Variants in SMU1 observed in about 807,000 individuals in gnomAD.
SMU1 encodes the protein SMU1 DNA replication regulator and spliceosomal factor.
In SMU1, 2 loss-of-function variants were observed where a neutral mutation model predicts 62.0. That is an observed-to-expected ratio of 0.03 (90% CI 0.01 to 0.10). The LOEUF (loss-of-function observed/expected upper bound fraction) is 0.10. SMU1 is among the 10% of genes least tolerant of loss of function. SMU1 has a pLI of 1.00. For missense variants in SMU1, 227 were observed against 622.1 expected (o/e 0.36, Z 6.76); for synonymous variants, 188 against 212.4 (o/e 0.89, Z 1.00).
chr9:33,053,066 G>A lies in SMU1; in HGVS notation c.1290+57C>T, dbSNP rs201471571. ...TGGGAGGGTGGGCCTGGACCAGGAA[G>A]TGCTGATTTGGGAATGGCCCACAGT... is the stretch of plus-strand genomic sequence containing the variant. On this transcript the variant is annotated intron_variant, in intron 10 of 11. Transcript: ENST00000397149. The A allele has an allele frequency of 2.5e-4, 387 of 1,533,440 alleles. 1 individual carries two copies. Among genetic ancestry groups the A allele is most frequent in the Non-Finnish European group, 3.4e-4 (375 of 1,113,530 alleles). 95.0% of individuals were successfully genotyped at this position (1,533,440 alleles called of 1,614,324 possible). A position where few individuals can be genotyped will look rare whatever the true frequency, so the allele number is the denominator to read the frequency against.
intron 10 of SMU1, among the ~76,000 whole-genome samples, chr9:33,049,355 CAA>C (rs1191084871): frequency 6.6e-6 from 1 of 152,082 alleles, no homozygotes; most frequent in Non-Finnish European, 1.5e-5. Context: ...GTGTTTTCAA[CAA>C]GAGATGCCAT....
chr9:33,052,576 C>T (rs1227305181), intron 10 of SMU1, among the ~76,000 whole-genome samples: 1 of 152,166 alleles, frequency 6.6e-6, no homozygotes, highest in Non-Finnish European at 1.5e-5. Flanking sequence ...GCCAATAATC[C>T]AATAGCACTA....
intron 2 of SMU1, among the ~76,000 whole-genome samples, chr9:33,073,074 T>C (rs1286732028): frequency 2.0e-5 from 3 of 151,990 alleles, no homozygotes; most frequent in Admixed American, 1.3e-4. Context: ...TGGCTCAGGA[T>C]AGGTAGGAGC....
intron 4 of SMU1, among the ~76,000 whole-genome samples, chr9:33,063,787 T>C (rs1461533654): frequency 1.3e-5 from 2 of 148,856 alleles, no homozygotes; most frequent in South Asian, 2.2e-4. Flanking sequence ...CCCACCCCCC[T>C]GACACCCCCA....
chr9:33,061,732 A>C (rs1476821712), intron 5 of SMU1, among the ~76,000 whole-genome samples: 1 of 152,206 alleles, frequency 6.6e-6, no homozygotes, highest in Non-Finnish European at 1.5e-5. Context: ...AGTACATACA[A>C]AGTTCACAGT....
chr9:33,048,242 C>G lies in SMU1; in HGVS notation c.1307G>C (p.Ser436Thr). 6.2e-7 allele frequency: 1 copy of G among 1,614,176 alleles called. No individual in the cohort carries two copies. The highest frequency in any genetic ancestry group is 8.5e-7 in the Non-Finnish European group (1 of 1,180,026). ...NMQGQIVRSF[S>T]SGKREGGDFV... The stretch of plus-strand genomic sequence containing the variant: ...GTCCCCACCTTCTCTTTTACCAGAA[C>G]TGAAGCTTCTGACAATCTAGATCAC... Residue 436 changes from serine to threonine, a missense_variant, in exon 11 of 12, where the codon AGT becomes ACT. Ser to Thr is a moderately conservative substitution (Grantham distance 58). Around this residue, in one of 5 missense-constraint regions of SMU1, gnomAD observed 25 missense variants for 116.2 expected, o/e 0.22. Coordinates refer to ENST00000397149, the MANE Select transcript of SMU1 (RefSeq NM_018225.3).
intron 1 of SMU1, among the ~76,000 whole-genome samples, chr9:33,074,892 G>T (rs1419711461): frequency 6.6e-6 from 1 of 151,436 alleles, no homozygotes; most frequent in African/African-American, 2.4e-5. Flanking sequence ...TCTCACCTCA[G>T]CCTCCCGAGT....
rs1163444916 is a variant in SMU1, at chr9:33,067,496, C to CT, written c.501+1327dup. ...GATTAAGAAATCAAAAAGCAGCTTA[C>CT]TTTTTTTTTTTTTTTTTTTGAGATG... is the stretch of plus-strand genomic sequence containing the variant. On this transcript the variant is annotated intron_variant, in intron 4 of 11. Coordinates refer to ENST00000397149, the MANE Select transcript of SMU1 (RefSeq NM_018225.3). Among the ~76,000 whole-genome samples, 1,275 of 129,652 alleles carry CT rather than the reference C, an allele frequency of 9.8e-3. 8 individuals are homozygous for CT. The highest frequency in any genetic ancestry group is 0.027 in the South Asian group (109 of 4,018). 85.1% of individuals were successfully genotyped at this position (129,652 alleles called of 152,430 possible).
intron 8 of SMU1, among the ~76,000 whole-genome samples, chr9:33,056,475 G>C (rs1002433196): frequency 3.9e-5 from 6 of 152,082 alleles, no homozygotes; most frequent in African/African-American, 1.4e-4. Flanking sequence ...TTCTGTTCAG[G>C]GACAGACCTC....
chr9:33,070,682 G>A (rs1022547473), intron 3 of SMU1, among the ~76,000 whole-genome samples: 1 of 152,188 alleles, frequency 6.6e-6, no homozygotes, highest in African/African-American at 2.4e-5. Context: ...ACACAATGGT[G>A]TACTAGCTGG....
intron 2 of SMU1, 92 bp downstream of exon 2, chr9:33,073,504 G>T: frequency 1.2e-6 from 1 of 812,450 alleles, no homozygotes; most frequent in Non-Finnish European, 2.1e-6. Context: ...CAGCCCTACC[G>T]TGCTTGAAGG....
chr9:33,059,446 A>T (rs1438735778), intron 6 of SMU1, among the ~76,000 whole-genome samples: 1 of 151,268 alleles, frequency 6.6e-6, no homozygotes, highest in African/African-American at 2.4e-5. Flanking sequence ...TGAAAAAAAA[A>T]TTTGTTTTTT....
At chr9:33,047,895 A>G (rs935181453) in intron 11 of SMU1, among the ~76,000 whole-genome samples, 1 of 151,992 alleles carries the variant, frequency 6.6e-6, no homozygotes, top group Admixed American at 6.6e-5. Flanking sequence ...AAACAAACTT[A>G]TATAGTGTTA....
intron 1 of SMU1, 107 bp downstream of exon 1, chr9:33,076,476 C>T: frequency 7.4e-7 from 1 of 1,342,910 alleles, no homozygotes; most frequent in South Asian, 1.2e-5. Flanking sequence ...AGGAAATGGC[C>T]CTCCACTCCC....
In SMU1 at chr9:33,043,880, T is replaced by C. The variant is rs1411324755; in HGVS notation, c.*3413A>G. ...TGAGAATTAAATATGGCTGCTTACA[T>C]AGCAAGGAAGGGCTCAACAGAGGCC... On this transcript the variant is annotated 3_prime_UTR_variant, in exon 12 of 12. Transcript: ENST00000397149. 1.3e-5 allele frequency: 2 copies of C among 150,216 alleles called. No individual in the cohort carries two copies. Among genetic ancestry groups the C allele is most frequent in the Middle Eastern group, 6.9e-3 (2 of 288 alleles). The allele number at this position is 150,216 out of a possible 1,614,324, so 9.3% of individuals were successfully genotyped here.
In SMU1 at chr9:33,043,996, A is replaced by T. The variant is rs1368060345; in HGVS notation, c.*3297T>A. On this transcript the variant is annotated 3_prime_UTR_variant, in exon 12 of 12. Transcript: ENST00000397149. Reference sequence around the variant, plus strand: ...GAGATTTATACCATTTGCTGTTAAAAAAAAAAAAAAAAAAAAAGCCATACT... The same window carrying T: ...GAGATTTATACCATTTGCTGTTAAATAAAAAAAAAAAAAAAAAGCCATACT... The T allele has an allele frequency of 1.3e-5, 1 of 77,894 alleles. No individual in the cohort carries two copies. The allele number at this position is 77,894 out of a possible 1,614,324, so 4.8% of individuals were successfully genotyped here.
intron 5 of SMU1, 133 bp from the exon 6 acceptor site, chr9:33,060,717 G>C (rs1839352977): frequency 9.1e-7 from 1 of 1,101,526 alleles, no homozygotes; most frequent in Non-Finnish European, 1.3e-6. Flanking sequence ...TATTGGAGGG[G>C]TATTTCTGTA....
At chr9:33,052,980 A>C (rs1839265907) in intron 10 of SMU1, 143 bp downstream of exon 10, 1 of 708,952 alleles carries the variant, frequency 1.4e-6, no homozygotes, top group Non-Finnish European at 2.4e-6. Context: ...AGCTATAAAT[A>C]AATCTGAAAA....
At chr9:33,074,194 G>C (rs1439033913) in intron 1 of SMU1, among the ~76,000 whole-genome samples, 1 of 152,158 alleles carries the variant, frequency 6.6e-6, no homozygotes, top group Non-Finnish European at 1.5e-5. Context: ...TGGGCATGCT[G>C]GCTCATGACT....
Sources: gnomAD v4.1 joint callset for allele counts (sites outside exome capture counted in the v4.1 genomes callset) on GRCh38, gnomAD v4.1.1 for gene constraint, gnomAD v4.1.1 regional missense constraint, MANE v1.5 for transcripts, NCBI Gene and HGNC (gene_info 2026-07-23, HGNC 2026-07-21) for gene names.